Variants in AKAP19 observed in about 807,000 individuals in gnomAD.
AKAP19 encodes the protein A-kinase anchoring protein 19, also known as small A-kinase anchoring protein.
chr2:190,046,481 CTT>C, the AKAP19 span, among the ~76,000 whole-genome samples: 3 of 152,132 alleles, frequency 2.0e-5, no homozygotes, highest in Admixed American at 1.3e-4. Context: ...CCCCTAGTCT[CTT>C]TCATTTATAC....
At chr2:189,962,373 A>G in the AKAP19 span, among the ~76,000 whole-genome samples, 1 of 152,196 alleles carries the variant, frequency 6.6e-6, no homozygotes, top group Admixed American at 6.5e-5. Flanking sequence ...CTCAGGATGT[A>G]TCCCTGTCAT....
the AKAP19 span, among the ~76,000 whole-genome samples, chr2:190,098,994 C>T: frequency 6.6e-6 from 1 of 152,178 alleles, no homozygotes; most frequent in Non-Finnish European, 1.5e-5. Flanking sequence ...TTGTGTTTTG[C>T]TCTTGATTAG....
chr2:190,026,378 T>C, the AKAP19 span, among the ~76,000 whole-genome samples: 3 of 152,222 alleles, frequency 2.0e-5, 1 homozygote, highest in East Asian at 5.8e-4. Flanking sequence ...CCCCACAATG[T>C]AACTTTATCA....
At chr2:189,972,796 T>G in the AKAP19 span, among the ~76,000 whole-genome samples, 1 of 152,218 alleles carries the variant, frequency 6.6e-6, no homozygotes, top group Non-Finnish European at 1.5e-5. Context: ...CTGTTATTGG[T>G]GTATAAGAAT....
the AKAP19 span, among the ~76,000 whole-genome samples, chr2:190,193,553 A>G: frequency 6.6e-6 from 1 of 152,102 alleles, no homozygotes; most frequent in Non-Finnish European, 1.5e-5. Context: ...TCTTTTTGGA[A>G]AGATTTACAA....
At chr2:189,930,302 G>C in the AKAP19 span, 867 of 632,790 alleles carry the variant, frequency 1.4e-3, 9 homozygotes, top group African/African-American at 0.016. Flanking sequence ...TGCATCAACT[G>C]GCTCCATGGA....
At chr2:190,042,621 A>T in the AKAP19 span, among the ~76,000 whole-genome samples, 1 of 151,544 alleles carries the variant, frequency 6.6e-6, no homozygotes, top group Non-Finnish European at 1.5e-5. Context: ...TTAATTTGAG[A>T]CCTTTCTTAC....
the AKAP19 span, among the ~76,000 whole-genome samples, chr2:189,918,254 A>G: frequency 1.3e-5 from 2 of 152,088 alleles, no homozygotes; most frequent in South Asian, 4.1e-4. Flanking sequence ...TATGTTTTTT[A>G]CTTATCATAT....
the AKAP19 span, among the ~76,000 whole-genome samples, chr2:190,123,584 A>G: frequency 1.3e-5 from 2 of 152,364 alleles, no homozygotes; most frequent in East Asian, 1.9e-4. Flanking sequence ...TCTCAAATGT[A>G]TATGCTTCTA....
chr2:189,929,483 C>A, the AKAP19 span, among the ~76,000 whole-genome samples: 7 of 151,946 alleles, frequency 4.6e-5, no homozygotes, highest in African/African-American at 1.7e-4. Context: ...ATATTAACAA[C>A]CAAAATAATT....
the AKAP19 span, among the ~76,000 whole-genome samples, chr2:190,045,918 T>C: frequency 6.6e-6 from 1 of 152,120 alleles, no homozygotes; most frequent in African/African-American, 2.4e-5. Context: ...GCCGTGTCTG[T>C]CAGACTGAAG....
chr2:190,176,207 C>T, the AKAP19 span, among the ~76,000 whole-genome samples: 8 of 152,276 alleles, frequency 5.3e-5, no homozygotes, highest in African/African-American at 1.9e-4. This position sits in a 1 kb window ranked among gnomAD's most constrained non-coding sequence, Gnocchi z 4.7. Context: ...CAATTTGATT[C>T]TGGGAAAATG....
At chr2:190,140,558 G>A in the AKAP19 span, among the ~76,000 whole-genome samples, 1 of 152,192 alleles carries the variant, frequency 6.6e-6, no homozygotes, top group Non-Finnish European at 1.5e-5. Flanking sequence ...GCCAAGGCTT[G>A]GAGCTTGCAC....
the AKAP19 span, among the ~76,000 whole-genome samples, chr2:189,884,499 A>C: frequency 6.6e-6 from 1 of 152,168 alleles, no homozygotes; most frequent in African/African-American, 2.4e-5. Flanking sequence ...ACTTCCCCAT[A>C]TACATAGTAA....
At chr2:190,026,078 T>A in the AKAP19 span, among the ~76,000 whole-genome samples, 1 of 152,228 alleles carries the variant, frequency 6.6e-6, no homozygotes, top group Non-Finnish European at 1.5e-5. Context: ...TTCAGCTCAT[T>A]TGTCATTAAA....
At chr2:189,936,819 T>C in the AKAP19 span, among the ~76,000 whole-genome samples, 1 of 152,156 alleles carries the variant, frequency 6.6e-6, no homozygotes, top group African/African-American at 2.4e-5. Context: ...TCCATTTATA[T>C]GAAGCTCTAG....
chr2:189,927,315 C>T, the AKAP19 span, among the ~76,000 whole-genome samples: 1 of 152,146 alleles, frequency 6.6e-6, no homozygotes, highest in African/African-American at 2.4e-5. Context: ...ATATATTATA[C>T]ACTTTTGGTC....
chr2:189,931,701 C>A, the AKAP19 span, among the ~76,000 whole-genome samples: 1 of 152,084 alleles, frequency 6.6e-6, no homozygotes, highest in Non-Finnish European at 1.5e-5. Context: ...CTCACTGCAG[C>A]CTTGACTTTT....
chr2:190,175,917 A>G, the AKAP19 span, among the ~76,000 whole-genome samples: 1 of 152,212 alleles, frequency 6.6e-6, no homozygotes, highest in Non-Finnish European at 1.5e-5. Flanking sequence ...TCCCTTGTCA[A>G]TGGGATTAAA....
Sources: gnomAD v4.1 joint callset for allele counts (sites outside exome capture counted in the v4.1 genomes callset) on GRCh38, gnomAD v4.1.1 for gene constraint, Gnocchi (gnomAD v3.1) non-coding constraint, MANE v1.5 for transcripts, NCBI Gene and HGNC (gene_info 2026-07-23, HGNC 2026-07-21) for gene names.